The following PTPN4 variants were observed in gnomAD, a reference collection of about 807,000 sequenced individuals.
The protein encoded by PTPN4 is tyrosine-protein phosphatase non-receptor type 4.
In PTPN4, 49 loss-of-function variants were observed where a neutral mutation model predicts 135.5. The ratio of observed to expected loss-of-function variants is 0.36; its 90% CI spans 0.29 to 0.46. The LOEUF is 0.46. Ranked by LOEUF, PTPN4 falls within the 20% of genes least tolerant of loss-of-function variation. PTPN4 has a pLI of 1.00. For synonymous variants in PTPN4, 333 were observed against 369.9 expected (o/e 0.90, Z 1.14); for missense variants, 860 against 1,101.0 (o/e 0.78, Z 3.10).
chr2:119,767,939 G>A (rs979570538), intron 1 of PTPN4, among the ~76,000 whole-genome samples: 2 of 152,086 alleles, frequency 1.3e-5, no homozygotes, highest in African/African-American at 4.8e-5. Context: ...AGATATCTGG[G>A]AGTGTGTCAA....
chr2:119,944,144 C>T (rs1270345010), intron 15 of PTPN4, among the ~76,000 whole-genome samples: 1 of 152,170 alleles, frequency 6.6e-6, no homozygotes, highest in Non-Finnish European at 1.5e-5. Flanking sequence ...ACATCAGCAG[C>T]CATGTGGCTT....
At chr2:119,937,541 C>T (rs574773575) in intron 15 of PTPN4, among the ~76,000 whole-genome samples, 133 of 152,284 alleles carry the variant, frequency 8.7e-4, no homozygotes, top group African/African-American at 3.0e-3. Flanking sequence ...AAGGCGGCAA[C>T]AGAGAGCTGC....
chr2:119,807,779 G>A (rs879231114), intron 1 of PTPN4, among the ~76,000 whole-genome samples: 3 of 152,178 alleles, frequency 2.0e-5, no homozygotes, highest in Non-Finnish European at 2.9e-5. Flanking sequence ...CAAAAAAAGA[G>A]AATTTTAGAC....
At chr2:119,821,849 A>G (rs1239144298) in intron 2 of PTPN4, among the ~76,000 whole-genome samples, 1 of 152,208 alleles carries the variant, frequency 6.6e-6, no homozygotes, top group Non-Finnish European at 1.5e-5. Flanking sequence ...TAGATTGGAA[A>G]TAATTTCTCA....
intron 15 of PTPN4, among the ~76,000 whole-genome samples, chr2:119,940,174 A>C (rs975972987): frequency 2.6e-4 from 40 of 152,334 alleles, no homozygotes; most frequent in African/African-American, 9.4e-4. Flanking sequence ...TTCTATTCTT[A>C]GATATTACTC....
At position 119,960,821 on chromosome 2, in the gene PTPN4, T is replaced by C; in HGVS notation, c.2148T>C (p.Ser716=). The change falls in exon 23 of 27, where the codon TCT becomes TCC. Residue 716 remains serine, a synonymous_variant. Transcript: ENST00000263708. ...TTTCTTTTTAGATGGAAATTCCTTC[T>C]TCCAGCATTATAAATCAGTACATTG... is the stretch of plus-strand genomic sequence containing the variant. ...NANYINMEIP[S]SSIINQYIAC... 1 of 1,606,996 alleles carries C rather than the reference T, an allele frequency of 6.2e-7. No individual in the cohort carries two copies. The highest frequency in any genetic ancestry group is 8.5e-7 in the Non-Finnish European group (1 of 1,178,378).
At chr2:119,890,633 G>A (rs1358670886) in intron 9 of PTPN4, among the ~76,000 whole-genome samples, 1 of 152,074 alleles carries the variant, frequency 6.6e-6, no homozygotes, top group African/African-American at 2.4e-5. Context: ...GGTTTCTGTA[G>A]TGATACTGTT....
At chr2:119,799,488 A>G (rs1691323375) in intron 1 of PTPN4, among the ~76,000 whole-genome samples, 1 of 152,234 alleles carries the variant, frequency 6.6e-6, no homozygotes, top group Non-Finnish European at 1.5e-5. Flanking sequence ...TTAAAAGGGA[A>G]ATACTAGACA....
chr2:119,806,880 C>G (rs897075100), intron 1 of PTPN4, among the ~76,000 whole-genome samples: 1 of 152,310 alleles, frequency 6.6e-6, no homozygotes, highest in South Asian at 2.1e-4. Flanking sequence ...CAAACTGTCT[C>G]TCAGACCACA....
intron 10 of PTPN4, among the ~76,000 whole-genome samples, chr2:119,911,918 C>T (rs1405502673): frequency 6.6e-6 from 1 of 152,126 alleles, no homozygotes; most frequent in African/African-American, 2.4e-5. Context: ...TGTTTCACTC[C>T]TACCTGGTAT....
intron 15 of PTPN4, among the ~76,000 whole-genome samples, chr2:119,941,373 G>C (rs1679059271): frequency 6.6e-6 from 1 of 151,910 alleles, no homozygotes; most frequent in Non-Finnish European, 1.5e-5. Context: ...AATTTCAGGA[G>C]TCTGTGTTGA....
rs1380027124 is a variant in PTPN4, at chr2:119,877,468, A to T, written c.294A>T (p.Gly98=). 1 of 1,609,614 alleles carries T rather than the reference A, an allele frequency of 6.2e-7. No homozygotes were observed. The highest frequency in any genetic ancestry group is 8.5e-7 in the Non-Finnish European group (1 of 1,178,538). The change falls in exon 5 of 27, where the codon GGA becomes GGT. Residue 98 remains glycine (G), a synonymous_variant. Coordinates refer to ENST00000263708, the MANE Select transcript of PTPN4 (RefSeq NM_002830.4). The part of the protein sequence containing the change: ...NKPIRKQLKR[G]SPYSLNFRVK... ...AACTACTTTTATTAATTCTAGGAGG[A>T]TCTCCTTACAGTTTGAACTTTAGAG...
chr2:119,898,307 A>T (rs1239444453), intron 9 of PTPN4, among the ~76,000 whole-genome samples: 1 of 152,204 alleles, frequency 6.6e-6, no homozygotes, highest in Non-Finnish European at 1.5e-5. Context: ...TGGCAGGGAG[A>T]TATGATCAGA....
intron 18 of PTPN4, among the ~76,000 whole-genome samples, chr2:119,949,775 C>A (rs1045929150): frequency 6.6e-6 from 1 of 151,934 alleles, no homozygotes; most frequent in Non-Finnish European, 1.5e-5. Context: ...CCCAGGAGAT[C>A]GAGGCTGTAG....
At chr2:119,944,646 C>T (rs1321147503) in intron 15 of PTPN4, among the ~76,000 whole-genome samples, 2 of 152,066 alleles carry the variant, frequency 1.3e-5, no homozygotes, top group Non-Finnish European at 2.9e-5. Context: ...TTCCATGAAT[C>T]GTATTTTATT....
intron 1 of PTPN4, among the ~76,000 whole-genome samples, chr2:119,784,297 CAG>C (rs1266630857): frequency 7.9e-6 from 1 of 126,018 alleles, no homozygotes; most frequent in African/African-American, 3.0e-5. Context: ...TTTTTTGAGA[CAG>C]AATCTCCTGG....
At chr2:119,952,160 A>G (rs369265720) in intron 19 of PTPN4, 31 bp downstream of exon 19, 1 of 1,576,060 alleles carries the variant, frequency 6.3e-7, no homozygotes, top group Non-Finnish European at 8.7e-7. Flanking sequence ...CAGATAATTT[A>G]TAGTAATTTA....
chr2:119,763,452 A>G (rs973084109), intron 1 of PTPN4, among the ~76,000 whole-genome samples: 1 of 152,110 alleles, frequency 6.6e-6, no homozygotes, highest in Non-Finnish European at 1.5e-5. Context: ...GGGGCTTTTC[A>G]TGTTGTCCCA....
chr2:119,957,441 T>C (rs113059655), intron 22 of PTPN4, among the ~76,000 whole-genome samples: 3,869 of 152,108 alleles, frequency 0.025, 165 homozygotes, highest in African/African-American at 0.087. Flanking sequence ...TGCATGCTCA[T>C]TATGAAAATC....
Sources: gnomAD v4.1 joint callset for allele counts (sites outside exome capture counted in the v4.1 genomes callset) on GRCh38, gnomAD v4.1.1 for gene constraint, MANE v1.5 for transcripts, NCBI Gene and HGNC (gene_info 2026-07-23, HGNC 2026-07-21) for gene names.